Variants in CCDC170 observed in about 807,000 individuals in gnomAD.
CCDC170 encodes coiled-coil domain containing 170.
Under a neutral mutation model 72.6 loss-of-function variants are expected in CCDC170, and 69 were observed. That is an observed-to-expected ratio of 0.95 (90% CI 0.78 to 1.16). The LOEUF is 1.16. CCDC170 is among the 50% of genes most tolerant of loss of function. CCDC170 has a pLI of 0.00. For missense variants in CCDC170, 852 were observed against 832.5 expected (o/e 1.02, Z -0.29); for synonymous variants, 300 against 303.9 (o/e 0.99, Z 0.13).
At chr6:151,541,554 C>A (rs1782690826) in intron 3 of CCDC170, among the ~76,000 whole-genome samples, 1 of 151,926 alleles carries the variant, frequency 6.6e-6, no homozygotes. Context: ...GTATCTTTAG[C>A]ACCTTTAATG....
intron 9 of CCDC170, among the ~76,000 whole-genome samples, chr6:151,600,336 G>A (rs9371543): frequency 0.4 from 60,915 of 152,012 alleles, 17,344 homozygotes; most frequent in African/African-American, 0.78. Flanking sequence ...TACTGTATTA[G>A]TTTCTTAGGG....
At chr6:151,603,584 A>G (rs981308587) in intron 9 of CCDC170, among the ~76,000 whole-genome samples, 2 of 152,242 alleles carry the variant, frequency 1.3e-5, no homozygotes, top group Non-Finnish European at 1.5e-5. Flanking sequence ...TATGGCCTGC[A>G]TCAGTTATCA....
chr6:151,525,090 A>ATG (rs1782384372), intron 1 of CCDC170, among the ~76,000 whole-genome samples: 2 of 151,888 alleles, frequency 1.3e-5, no homozygotes, highest in Non-Finnish European at 2.9e-5. Flanking sequence ...CCGCCACTGC[A>ATG]CCCAGCTAAT....
chr6:151,540,514 T>G (rs545296013), intron 3 of CCDC170, among the ~76,000 whole-genome samples: 5 of 149,908 alleles, frequency 3.3e-5, no homozygotes, highest in Non-Finnish European at 5.9e-5. Context: ...GCCTCCCAAG[T>G]AGCTGGGATT....
rs371106990 is a variant in CCDC170 at position 151,576,232 on chromosome 6, T to TATA, written c.1092+2742_1092+2744dup. 9.7e-3 allele frequency among the ~76,000 whole-genome samples: 1,479 copies of TATA among 152,216 alleles called. 24 individuals are homozygous for TATA. The highest frequency in any genetic ancestry group is 0.034 in the African/African-American group (1,411 of 41,522). On this transcript the variant is annotated intron_variant, in intron 6 of 10. Coordinates refer to ENST00000239374, the MANE Select transcript of CCDC170 (RefSeq NM_025059.4). ...TTTGTGTTAGATGATTTTGCCCAAA[T>TATA]ATAGGCCAATGTAAGTGTTCTGAGC...
rs141571823 is a variant in CCDC170 at position 151,545,280 on chromosome 6, G to A, written c.588+564G>A. Among the ~76,000 whole-genome samples the A allele has an allele frequency of 2.2e-3, 337 of 152,180 alleles. 4 individuals carry two copies. The highest frequency in any genetic ancestry group is 7.3e-3 in the African/African-American group (305 of 41,524). On this transcript the variant is annotated intron_variant, in intron 4 of 10. Coordinates refer to ENST00000239374, the MANE Select transcript of CCDC170 (RefSeq NM_025059.4). ...ACTAAAATACAAAAATTAGCCAGGC[G>A]TGGTGGCAGGTGCCTGTAATCCCAG...
chr6:151,555,461 T>A (rs894874456), intron 5 of CCDC170, among the ~76,000 whole-genome samples: 1 of 152,202 alleles, frequency 6.6e-6, no homozygotes, highest in African/African-American at 2.4e-5. Context: ...AATTCTAGAA[T>A]CATAAAGTTG....
Position 151,538,241 on chromosome 6 carries a change from C to G in CCDC170, c.383C>G (p.Ala128Gly). 1 of 1,613,730 alleles carries G rather than the reference C, an allele frequency of 6.2e-7. No homozygotes were observed. The change falls in exon 3 of 11, where the codon GCT (alanine) becomes GGT (glycine). Residue 128 changes from alanine to glycine, a missense_variant. By Grantham distance (60) the Ala-to-Gly change is moderately conservative (BLOSUM62 0). Transcript: ENST00000239374. The part of the protein sequence containing the change: ...SKIRTEITAH[A>G]AIKENQELKK... ...ATCAGAACAGAAATCACAGCTCACG[C>G]TGCAATCAAGGAGAACCAGGAATTA...
intron 1 of CCDC170, among the ~76,000 whole-genome samples, chr6:151,529,557 T>A (rs938121819): frequency 1.3e-5 from 2 of 152,110 alleles, no homozygotes; most frequent in African/African-American, 4.8e-5. Context: ...CTCGGGAGGC[T>A]GAGGCAGGAG....
intron 5 of CCDC170, among the ~76,000 whole-genome samples, chr6:151,571,397 T>C (rs1157224231): frequency 6.6e-6 from 1 of 152,134 alleles, no homozygotes; most frequent in Admixed American, 6.5e-5. Context: ...TATTTCTTAA[T>C]GTGAATTCAT....
intron 7 of CCDC170, among the ~76,000 whole-genome samples, chr6:151,588,120 ACTGCGT>A (rs1438703010): frequency 3.9e-5 from 6 of 152,328 alleles, no homozygotes; most frequent in African/African-American, 1.2e-4. Context: ...CTCAGGCTTC[ACTGCGT>A]AGGTAATGGG....
At chr6:151,503,039 T>C (rs911007263) in intron 1 of CCDC170, among the ~76,000 whole-genome samples, 9 of 152,000 alleles carry the variant, frequency 5.9e-5, no homozygotes, top group Non-Finnish European at 1.0e-4. Flanking sequence ...TAGCTGGACA[T>C]GGTGGTGCGC....
At chr6:151,531,446 T>C (rs1245976558) in intron 1 of CCDC170, among the ~76,000 whole-genome samples, 2 of 152,054 alleles carry the variant, frequency 1.3e-5, no homozygotes, top group Non-Finnish European at 2.9e-5. Context: ...CTACCAAAAA[T>C]ACAAAAAATT....
intron 9 of CCDC170, 111 bp downstream of exon 9, chr6:151,596,688 T>A: frequency 3.5e-6 from 5 of 1,434,170 alleles, no homozygotes; most frequent in Non-Finnish European, 4.6e-6. Context: ...GATGAAAGCC[T>A]CCTCTGATTT....
At position 151,520,184 on chromosome 6, in the gene CCDC170, G is replaced by T. The variant is rs181617055; in HGVS notation, c.58-16134G>T. ...AGGTCCTGAGTAGGGGAGGGAGGAA[G>T]ACATTGATTACTTATTAAAAATTAA... is the stretch of plus-strand genomic sequence containing the variant. On this transcript the variant is annotated intron_variant, in intron 1 of 10. Coordinates refer to ENST00000239374, the MANE Select transcript of CCDC170 (RefSeq NM_025059.4). 2.0e-4 allele frequency among the ~76,000 whole-genome samples: 31 copies of T among 152,306 alleles called. No individual in the cohort carries two copies. In the East Asian group the frequency reaches 5.8e-3, roughly 28 times the overall value.
rs745655791 is a variant in CCDC170 at position 151,617,408 on chromosome 6, CTTTTTTTTTTTTTTTTTTTT to C, written c.1948-513_1948-494del. Among the ~76,000 whole-genome samples the C allele has an allele frequency of 2.0e-4, 18 of 91,470 alleles. No individual in the cohort carries two copies. The East Asian group carries it at 3.9e-3, about 20-fold the overall frequency. The allele number at this position is 91,470 out of a possible 152,430, so 60.0% of individuals were successfully genotyped here. A position where few individuals can be genotyped will look rare whatever the true frequency, so the allele number is the denominator to read the frequency against. On this transcript the variant is annotated intron_variant, in intron 10 of 10. Coordinates refer to ENST00000239374, the MANE Select transcript of CCDC170 (RefSeq NM_025059.4). ...AGCTTATACTTTCTTGCTGTTTGTT[CTTTTTTTTTTTTTTTTTTTT>C]TTTTTTTTTTTTTTTTTTTTTTTTT...
chr6:151,541,297 C>A (rs1338793566), intron 3 of CCDC170, among the ~76,000 whole-genome samples: 1 of 152,092 alleles, frequency 6.6e-6, no homozygotes, highest in Non-Finnish European at 1.5e-5. Context: ...TCTCTCTAGT[C>A]CTATTATGAT....
intron 1 of CCDC170, among the ~76,000 whole-genome samples, chr6:151,531,327 G>C (rs138891348): frequency 6.8e-4 from 104 of 152,286 alleles, no homozygotes; most frequent in African/African-American, 2.3e-3. Context: ...ATCAGGCCAG[G>C]CATGGTGGCT....
chr6:151,567,775 C>T (rs1776158788), intron 5 of CCDC170, among the ~76,000 whole-genome samples: 1 of 152,052 alleles, frequency 6.6e-6, no homozygotes, highest in Admixed American at 6.6e-5. Flanking sequence ...ACTTACCACA[C>T]AAGTCTAACA....
Sources: allele counts gnomAD v4.1 joint callset (sites outside exome capture counted in the v4.1 genomes callset), GRCh38; gene constraint gnomAD v4.1.1; transcripts MANE v1.5; gene names NCBI Gene and HGNC (gene_info 2026-07-23, HGNC 2026-07-21).